TTC39B: variants seen among roughly 807,000 people sequenced by gnomAD.
TTC39B encodes the protein tetratricopeptide repeat domain 39B.
TTC39B carries 92 observed loss-of-function variants against 96.6 expected under a neutral mutation model. The observed-to-expected ratio is 0.95, with a 90% confidence interval of 0.80 to 1.13. The LOEUF (loss-of-function observed/expected upper bound fraction) is 1.13. Among genes scored for constraint, TTC39B ranks in the 50% most tolerant of loss-of-function variants. TTC39B has a pLI of 0.00. For synonymous variants in TTC39B, 367 were observed against 299.4 expected (o/e 1.23, Z -2.33); for missense variants, 955 against 809.3 (o/e 1.18, Z -2.18).
chr9:15,191,762 G>GA (rs1289623975), intron 9 of TTC39B, among the ~76,000 whole-genome samples: 2 of 152,188 alleles, frequency 1.3e-5, no homozygotes, highest in Non-Finnish European at 2.9e-5. Flanking sequence ...CTTGAAAGGA[G>GA]AAATGGCCAG....
At chr9:15,226,968 C>T (rs1303331684) in intron 2 of TTC39B, among the ~76,000 whole-genome samples, 4 of 150,990 alleles carry the variant, frequency 2.6e-5, no homozygotes, top group Non-Finnish European at 5.9e-5. Flanking sequence ...AGAAGTTTTG[C>T]GTGTTTTTTT....
intron 1 of TTC39B, among the ~76,000 whole-genome samples, chr9:15,281,906 G>C (rs1166101056): frequency 6.6e-6 from 1 of 152,046 alleles, no homozygotes; most frequent in Non-Finnish European, 1.5e-5. Context: ...TCAAACTCCT[G>C]ACCTCAAGTG....
At chr9:15,192,195 T>A (rs1157356230) in intron 9 of TTC39B, among the ~76,000 whole-genome samples, 2 of 152,212 alleles carry the variant, frequency 1.3e-5, no homozygotes, top group African/African-American at 4.8e-5. Flanking sequence ...AGATTACTAC[T>A]CAGACTTCCA....
chr9:15,272,461 C>T (rs79561190), intron 1 of TTC39B, among the ~76,000 whole-genome samples: 5,128 of 152,224 alleles, frequency 0.034, 285 homozygotes, highest in African/African-American at 0.12. Flanking sequence ...CTCACACTGC[C>T]AACAAATACA....
At chr9:15,234,374 G>C (rs867938874) in intron 2 of TTC39B, among the ~76,000 whole-genome samples, 1 of 143,528 alleles carries the variant, frequency 7.0e-6, no homozygotes, top group Non-Finnish European at 1.5e-5. Context: ...TCAGCCCCCC[G>C]CCCGGCCAGC....
intron 1 of TTC39B, among the ~76,000 whole-genome samples, chr9:15,296,657 G>C (rs1055229619): frequency 1.3e-5 from 2 of 152,172 alleles, no homozygotes; most frequent in African/African-American, 4.8e-5. Context: ...ACCATGCCCA[G>C]CAAATTTTTG....
intron 5 of TTC39B, among the ~76,000 whole-genome samples, chr9:15,210,558 A>G (rs1396069771): frequency 6.6e-6 from 1 of 152,240 alleles, no homozygotes; most frequent in African/African-American, 2.4e-5. Context: ...TTACATCAGG[A>G]TGTAATTTCA....
At chr9:15,298,116 G>T (rs1824447197) in intron 1 of TTC39B, among the ~76,000 whole-genome samples, 2 of 152,150 alleles carry the variant, frequency 1.3e-5, no homozygotes, top group Non-Finnish European at 2.9e-5. Flanking sequence ...TTCTGGAGCT[G>T]GGAAGTCCTT....
At chr9:15,303,027 A>T (rs1050014219) in intron 1 of TTC39B, among the ~76,000 whole-genome samples, 4 of 150,410 alleles carry the variant, frequency 2.7e-5, no homozygotes, top group Non-Finnish European at 5.9e-5. Flanking sequence ...AATTAGCTGG[A>T]CGTGGTGGCA....
At chr9:15,233,710 A>G (rs371344789) in intron 2 of TTC39B, among the ~76,000 whole-genome samples, 1 of 151,476 alleles carries the variant, frequency 6.6e-6, no homozygotes, top group Non-Finnish European at 1.5e-5. Context: ...TCGCTACAAC[A>G]TCCACCTCCC....
At chr9:15,191,603 G>C (rs1163208205) in intron 9 of TTC39B, among the ~76,000 whole-genome samples, 2 of 152,112 alleles carry the variant, frequency 1.3e-5, no homozygotes, top group Non-Finnish European at 2.9e-5. Context: ...GCAAAAATCA[G>C]TCATAGTCTG....
At chr9:15,174,485 G>T (rs550659100) in intron 19 of TTC39B, among the ~76,000 whole-genome samples, 1 of 152,096 alleles carries the variant, frequency 6.6e-6, no homozygotes, top group Non-Finnish European at 1.5e-5. Context: ...TGAAACTGCC[G>T]CAATAAACAG....
At chr9:15,197,509 T>C in intron 8 of TTC39B, among the ~76,000 whole-genome samples, 1 of 152,080 alleles carries the variant, frequency 6.6e-6, no homozygotes. Context: ...AGATTAACTT[T>C]CCCACAAGTA....
chr9:15,193,047 A>T (rs1223836936), intron 8 of TTC39B, among the ~76,000 whole-genome samples: 3 of 152,186 alleles, frequency 2.0e-5, no homozygotes, highest in African/African-American at 4.8e-5. Flanking sequence ...CAGCTCCTCC[A>T]CCACTGCACA....
At chr9:15,221,603 G>T (rs987913617) in intron 3 of TTC39B, among the ~76,000 whole-genome samples, 2 of 152,066 alleles carry the variant, frequency 1.3e-5, no homozygotes, top group African/African-American at 4.8e-5. Flanking sequence ...TGAGGCCTTG[G>T]GTGCCAGGGG....
intron 6 of TTC39B, among the ~76,000 whole-genome samples, chr9:15,206,600 G>A (rs550797875): frequency 1.8e-4 from 27 of 152,206 alleles, no homozygotes; most frequent in African/African-American, 6.3e-4. Flanking sequence ...AAATTCCTTA[G>A]TCCACAGGAG....
intron 1 of TTC39B, among the ~76,000 whole-genome samples, chr9:15,300,586 A>G (rs1238024567): frequency 6.6e-6 from 1 of 152,160 alleles, no homozygotes; most frequent in Non-Finnish European, 1.5e-5. Context: ...CAATTGCCTC[A>G]TCAAAAACCT....
At chr9:15,286,913 C>T (rs1004626053) in intron 1 of TTC39B, among the ~76,000 whole-genome samples, 2 of 152,126 alleles carry the variant, frequency 1.3e-5, no homozygotes, top group Non-Finnish European at 2.9e-5. Context: ...ACCTGGGGAA[C>T]TTTTAAATTT....
intron 2 of TTC39B, among the ~76,000 whole-genome samples, chr9:15,231,126 G>A (rs1204032740): frequency 6.6e-6 from 1 of 152,088 alleles, no homozygotes. Context: ...TTGACATTTT[G>A]AAGAACTACT....
Sources: gnomAD v4.1 joint callset for allele counts (sites outside exome capture counted in the v4.1 genomes callset) on GRCh38, gnomAD v4.1.1 for gene constraint, MANE v1.5 for transcripts, NCBI Gene and HGNC (gene_info 2026-07-23, HGNC 2026-07-21) for gene names.